The following SHPK variants were observed in gnomAD, a reference collection of about 807,000 sequenced individuals.
SHPK encodes the protein carbohydrate kinase-like protein.
In SHPK, 51 loss-of-function variants were observed where a neutral mutation model predicts 46.3. That is an observed-to-expected ratio of 1.10 (90% CI 0.88 to 1.39). SHPK has a LOEUF of 1.39. Ranked by LOEUF, SHPK falls within the 40% of genes most tolerant of loss-of-function variation. The pLI, the probability that SHPK is intolerant of heterozygous loss-of-function variation, is 0.00. For synonymous variants in SHPK, 290 were observed against 273.9 expected (o/e 1.06, Z -0.58); for missense variants, 668 against 641.3 (o/e 1.04, Z -0.45).
Position 3,621,362 on chromosome 17 carries a change from G to A in SHPK, c.698C>T (p.Pro233Leu), listed in dbSNP as rs1352243632. 5 of 1,614,170 alleles carry A rather than the reference G, an allele frequency of 3.1e-6. No homozygotes were observed. The highest frequency in any genetic ancestry group is 3.4e-6 in the Non-Finnish European group (4 of 1,180,014). The change falls in exon 5 of 7, where the codon CCT becomes CTT. Residue 233 changes from proline to leucine, a missense_variant. Transcript: ENST00000225519. ...GGAAGTTCTGCCCGCCACACTGCCAGGCTCGGCGATGTCTGGGAGCAGGTG... is the reference window on the plus strand; with the variant it reads ...GGAAGTTCTGCCCGCCACACTGCCAAGCTCGGCGATGTCTGGGAGCAGGTG... ...PVHLLPDIAE[P>L]GSVAGRTSHM...
Position 3,624,343 on chromosome 17 carries a change from A to T in SHPK, c.311-112T>A, listed in dbSNP as rs539134843. On this transcript the variant is annotated intron_variant, in intron 2 of 6. Coordinates refer to ENST00000225519, the MANE Select transcript of SHPK (RefSeq NM_013276.4). ...CAAAATATGTGCGAATCGTCCCATGATAAAGCCTGGCACACCTATGGGTCC... is the reference window on the plus strand; with the variant it reads ...CAAAATATGTGCGAATCGTCCCATGTTAAAGCCTGGCACACCTATGGGTCC... 10 of 1,020,146 alleles carry T rather than the reference A, an allele frequency of 9.8e-6. No individual in the cohort carries two copies. In the East Asian group the frequency reaches 2.4e-4, roughly 24 times the overall value. 63.2% of individuals were successfully genotyped at this position (1,020,146 alleles called of 1,614,324 possible). A position where few individuals can be genotyped will look rare whatever the true frequency, so the allele number is the denominator to read the frequency against.
chr17:3,611,039 G>T, intron 6 of SHPK, 67 bp from the exon 7 acceptor site: 1 of 1,450,392 alleles, frequency 6.9e-7, no homozygotes, highest in Non-Finnish European at 9.4e-7. Context: ...ACATGGCAGA[G>T]AATTCCCACA....
At chr17:3,616,497 G>A (rs889265970) in intron 5 of SHPK, among the ~76,000 whole-genome samples, 2 of 152,144 alleles carry the variant, frequency 1.3e-5, no homozygotes, top group South Asian at 2.1e-4. Flanking sequence ...GCAACCTCAC[G>A]AGAGACCTTG....
In SHPK at chr17:3,608,342, CTT is replaced by C. The variant is rs1474537386; in HGVS notation, c.*2216_*2217del. 2 of 152,046 alleles carry C rather than the reference CTT, an allele frequency of 1.3e-5. No homozygotes were observed. Among genetic ancestry groups the C allele is most frequent in the African/African-American group, 2.4e-5 (1 of 41,398 alleles). 9.4% of individuals were successfully genotyped at this position (152,046 alleles called of 1,614,324 possible). A position where few individuals can be genotyped will look rare whatever the true frequency, so the allele number is the denominator to read the frequency against. On this transcript the variant is annotated 3_prime_UTR_variant, in exon 7 of 7. Transcript: ENST00000225519. ...TTAAAGGAAGCACCTTACGGTTTCT[CTT>C]TGGCATATCCGAACAGCCAGCATCA... is the stretch of plus-strand genomic sequence containing the variant.
At chr17:3,619,862 C>G in intron 5 of SHPK, 1 of 301,872 alleles carries the variant, frequency 3.3e-6, no homozygotes, top group South Asian at 3.8e-5. Flanking sequence ...TACCTGTGAG[C>G]ACCTGACAAC....
At chr17:3,619,938 C>T (rs1253864990) in intron 5 of SHPK, 2 of 192,480 alleles carry the variant, frequency 1.0e-5, no homozygotes, top group South Asian at 1.8e-4. Context: ...CACGTTCTCA[C>T]GTTTTTAAAT....
At chr17:3,629,293 C>T (rs1275242451) in intron 2 of SHPK, among the ~76,000 whole-genome samples, 1 of 152,174 alleles carries the variant, frequency 6.6e-6, no homozygotes, top group Non-Finnish European at 1.5e-5. Context: ...CTCAGCCAGG[C>T]ACCAGGCATG....
intron 2 of SHPK, among the ~76,000 whole-genome samples, chr17:3,626,347 C>T (rs2075437067): frequency 6.6e-6 from 1 of 152,012 alleles, no homozygotes; most frequent in African/African-American, 2.4e-5. Context: ...TCAAAGATTT[C>T]CTCCTCTCCA....
In SHPK at chr17:3,623,461, G is replaced by A. The variant is rs143466148; in HGVS notation, c.525C>T (p.Ala175=). The change falls in exon 4 of 7, where the codon GCC becomes GCT. Residue 175 remains alanine, a synonymous_variant. Coordinates refer to ENST00000225519, the MANE Select transcript of SHPK (RefSeq NM_013276.4). ...RPEFLKSYDA[A]GTIHDYVVAM... is the part of the protein sequence containing the mutation. Reference sequence around the variant, plus strand: ...CAACCACATAGTCGTGGATGGTACCGGCTGCGTCGTAGGACTTCAGGAACT... The same window carrying A: ...CAACCACATAGTCGTGGATGGTACCAGCTGCGTCGTAGGACTTCAGGAACT... The A allele has an allele frequency of 1.2e-4, 198 of 1,614,176 alleles. No individual in the cohort carries two copies. The highest frequency in any genetic ancestry group is 8.0e-5 in the African/African-American group (6 of 75,050).
In SHPK at chr17:3,621,356, C is replaced by T; in HGVS notation, c.704G>A (p.Ser235Asn). Reference sequence around the variant, plus strand: ...CATGTGGGAAGTTCTGCCCGCCACACTGCCAGGCTCGGCGATGTCTGGGAG... The same window carrying T: ...CATGTGGGAAGTTCTGCCCGCCACATTGCCAGGCTCGGCGATGTCTGGGAG... ...HLLPDIAEPG[S>N]VAGRTSHMWF... Residue 235 changes from serine (S) to asparagine (N), a missense_variant, in exon 5 of 7, where the codon AGT becomes AAT. Ser to Asn is a conservative substitution (Grantham distance 46). Transcript: ENST00000225519. 6.2e-7 allele frequency: 1 copy of T among 1,614,180 alleles called. No individual in the cohort carries two copies. The highest frequency in any genetic ancestry group is 8.5e-7 in the Non-Finnish European group (1 of 1,180,010).
In SHPK at chr17:3,614,739, T is replaced by A. The variant is rs7218076; in HGVS notation, c.1024+598A>T. ...GGCGCATGCCTGTAATCCCAGCTAC[T>A]CGGAAGGCTGAGGCAGGAGAATCCC... On this transcript the variant is annotated intron_variant, in intron 6 of 6. Transcript: ENST00000225519. 3.9e-3 allele frequency among the ~76,000 whole-genome samples: 588 copies of A among 149,812 alleles called. 2 individuals carry two copies. Among genetic ancestry groups the A allele is most frequent in the African/African-American group, 0.013 (549 of 40,676 alleles).
intron 5 of SHPK, among the ~76,000 whole-genome samples, chr17:3,618,340 C>A (rs1430123968): frequency 1.3e-5 from 2 of 151,978 alleles, no homozygotes; most frequent in African/African-American, 4.8e-5. Flanking sequence ...CTCCTGACCT[C>A]ATGATCCACC....
rs1395340529 is a variant in SHPK at position 3,609,868 on chromosome 17, G to C, written c.*692C>G. On this transcript the variant is annotated 3_prime_UTR_variant, in exon 7 of 7. Transcript: ENST00000225519. ...CTCGCAACCTGCCTTCCAGGCAGTT[G>C]TGCTGTGAAGACCTGGGCGGCCTGG... 6.6e-6 allele frequency: 1 copy of C among 152,640 alleles called. No individual in the cohort carries two copies. Among genetic ancestry groups the C allele is most frequent in the African/African-American group, 2.4e-5 (1 of 41,466 alleles). The allele number at this position is 152,640 out of a possible 1,614,324, so 9.5% of individuals were successfully genotyped here.
chr17:3,611,022 C>T lies in SHPK; in HGVS notation c.1025-50G>A, dbSNP rs201700050. On this transcript the variant is annotated intron_variant, in intron 6 of 6. Transcript: ENST00000225519. Reference sequence around the variant, plus strand: ...GTAAGCTCATGCGTCCCCCTCAGTGCAGGCTGACATGGCAGAGAATTCCCA... The same window carrying T: ...GTAAGCTCATGCGTCCCCCTCAGTGTAGGCTGACATGGCAGAGAATTCCCA... 4 of 1,513,728 alleles carry T rather than the reference C, an allele frequency of 2.6e-6. No homozygotes were observed. The African/African-American group carries it at 4.1e-5, about 16-fold the overall frequency. The allele number at this position is 1,513,728 out of a possible 1,614,324, so 93.8% of individuals were successfully genotyped here.
At chr17:3,635,923 C>A in intron 1 of SHPK, 129 bp downstream of exon 1, 1 of 942,022 alleles carries the variant, frequency 1.1e-6, no homozygotes, top group Non-Finnish European at 1.5e-6. Flanking sequence ...AGACGGGCCC[C>A]TGGAGAAGCT....
At chr17:3,623,047 C>A (rs2075412110) in intron 4 of SHPK, among the ~76,000 whole-genome samples, 1 of 152,218 alleles carries the variant, frequency 6.6e-6, no homozygotes, top group Non-Finnish European at 1.5e-5. Flanking sequence ...TACTCTGAAA[C>A]CTACAGACTG....
Position 3,610,127 on chromosome 17 carries a change from C to T in SHPK, c.*433G>A, listed in dbSNP as rs1393287552. The T allele has an allele frequency of 6.1e-6, 1 of 163,270 alleles. No homozygotes were observed. Among genetic ancestry groups the T allele is most frequent in the Non-Finnish European group, 1.4e-5 (1 of 73,926 alleles). 10.1% of individuals were successfully genotyped at this position (163,270 alleles called of 1,614,324 possible). ...CGACCCGAGTGTGGGCTTCAGGTCTCCAAAAACGATAATCACAAGCTGGGC... is the reference window on the plus strand; with the variant it reads ...CGACCCGAGTGTGGGCTTCAGGTCTTCAAAAACGATAATCACAAGCTGGGC... On this transcript the variant is annotated 3_prime_UTR_variant, in exon 7 of 7. Coordinates refer to ENST00000225519, the MANE Select transcript of SHPK (RefSeq NM_013276.4).
intron 2 of SHPK, among the ~76,000 whole-genome samples, chr17:3,625,777 G>C (rs1567685342): frequency 6.6e-6 from 1 of 152,212 alleles, no homozygotes; most frequent in Non-Finnish European, 1.5e-5. Flanking sequence ...TCCTGGTCAG[G>C]CACGGTGGCT....
rs143903812 is a variant in SHPK, at chr17:3,610,792, A to C, written c.1205T>G (p.Leu402Arg). The stretch of plus-strand genomic sequence containing the variant: ...CAGGTTCTGAACAATGCCTCGGCAC[A>C]GAGCCCGGGTCACGTGCCCCAGGGA... The part of the protein sequence containing the change: ...DLSLGHVTRA[L>R]CRGIVQNLHS... The change falls in exon 7 of 7, where the codon CTG (leucine) becomes CGG (arginine). Residue 402 changes from leucine to arginine, a missense_variant. By Grantham distance (102) the Leu-to-Arg change is moderately radical. Coordinates refer to ENST00000225519, the MANE Select transcript of SHPK (RefSeq NM_013276.4). 26 of 1,614,162 alleles carry C rather than the reference A, an allele frequency of 1.6e-5. No individual in the cohort carries two copies. Among genetic ancestry groups the C allele is most frequent in the South Asian group, 2.2e-5 (2 of 91,078 alleles).
Sources: gnomAD v4.1 joint callset for allele counts (sites outside exome capture counted in the v4.1 genomes callset) on GRCh38, gnomAD v4.1.1 for gene constraint, MANE v1.5 for transcripts, NCBI Gene and HGNC (gene_info 2026-07-23, HGNC 2026-07-21) for gene names.